The following NKAIN2 variants were observed in gnomAD, a reference collection of about 807,000 sequenced individuals.
NKAIN2 encodes sodium/potassium-transporting ATPase subunit beta-1-interacting protein 2.
In NKAIN2, 14 loss-of-function variants were observed where a neutral mutation model predicts 32.6. The observed-to-expected ratio is 0.43, with a 90% CI of 0.28 to 0.67. The LOEUF is 0.67. NKAIN2 is among the 30% of genes least tolerant of loss of function. The pLI is 0.17. For missense variants in NKAIN2, 198 were observed against 258.3 expected, an observed-to-expected ratio of 0.77 and a Z score of 1.60; for synonymous variants, 80 against 87.2, an observed-to-expected ratio of 0.92 and a Z score of 0.46.
At chr6:124,716,247 C>A (rs1193886571) in intron 4 of NKAIN2, among the ~76,000 whole-genome samples, 1 of 152,218 alleles carries the variant, frequency 6.6e-6, no homozygotes, top group Non-Finnish European at 1.5e-5. Flanking sequence ...ACTGCACCCA[C>A]CAACTTTGCA....
At chr6:124,298,612 C>T (rs1336200839) in intron 2 of NKAIN2, among the ~76,000 whole-genome samples, 1 of 152,002 alleles carries the variant, frequency 6.6e-6, no homozygotes, top group African/African-American at 2.4e-5. Flanking sequence ...GATGATAATG[C>T]CACACACATT....
At chr6:124,398,230 G>A (rs1773474580) in intron 3 of NKAIN2, among the ~76,000 whole-genome samples, 2 of 93,396 alleles carry the variant, frequency 2.1e-5, no homozygotes, top group African/African-American at 4.0e-5. Flanking sequence ...TCCAGCCTGG[G>A]TGACAGAGAG....
intron 1 of NKAIN2, among the ~76,000 whole-genome samples, chr6:124,201,657 G>T (rs1259365121): frequency 6.6e-6 from 1 of 151,960 alleles, no homozygotes; most frequent in Non-Finnish European, 1.5e-5. Flanking sequence ...CTCAAGGAGT[G>T]AGAAGGATAG....
At chr6:124,503,799 C>A (rs1778380453) in intron 3 of NKAIN2, among the ~76,000 whole-genome samples, 1 of 152,094 alleles carries the variant, frequency 6.6e-6, no homozygotes, top group African/African-American at 2.4e-5. Context: ...TAAAAGATTT[C>A]TGTGTGCTTT....
chr6:124,604,560 C>T (rs1347864191), intron 3 of NKAIN2, among the ~76,000 whole-genome samples: 2 of 151,494 alleles, frequency 1.3e-5, no homozygotes, highest in Non-Finnish European at 2.9e-5. Context: ...ATCTTTCTCT[C>T]TATGCTTGAT....
At position 124,203,110 on chromosome 6, in the gene NKAIN2, T is replaced by G. The variant is rs145918841; in HGVS notation, c.55-79895T>G. On this transcript the variant is annotated intron_variant, in intron 1 of 6. Coordinates refer to ENST00000368417, the MANE Select transcript of NKAIN2 (RefSeq NM_001040214.3). ...AAATTTGCTCAATCTGTCTGTTTTG[T>G]ACCTTAAGAGTCATTGAAATATTTT... Among the ~76,000 whole-genome samples the G allele has an allele frequency of 5.7e-3, 868 of 152,042 alleles. 8 individuals carry two copies. The highest frequency in any genetic ancestry group is 0.018 in the African/African-American group (732 of 41,530).
chr6:124,656,515 A>T (rs1204274559), intron 3 of NKAIN2, among the ~76,000 whole-genome samples: 1 of 152,106 alleles, frequency 6.6e-6, no homozygotes, highest in Admixed American at 6.5e-5. Context: ...CTAGGCTAAC[A>T]GAATTTGGTG....
intron 4 of NKAIN2, among the ~76,000 whole-genome samples, chr6:124,782,907 G>A (rs1306602049): frequency 6.6e-6 from 1 of 152,048 alleles, no homozygotes; most frequent in Non-Finnish European, 1.5e-5. Context: ...TGGTATTATT[G>A]ATAGTTGCTT....
At chr6:124,769,342 T>C (rs1778648255) in intron 4 of NKAIN2, among the ~76,000 whole-genome samples, 1 of 152,148 alleles carries the variant, frequency 6.6e-6, no homozygotes, top group Non-Finnish European at 1.5e-5. Flanking sequence ...AAGCAATGTT[T>C]TGAATGTTTA....
chr6:124,651,514 T>A (rs1195599904), intron 3 of NKAIN2, among the ~76,000 whole-genome samples: 1 of 152,186 alleles, frequency 6.6e-6, no homozygotes, highest in Non-Finnish European at 1.5e-5. Context: ...CCATAGCTCA[T>A]GAACTTGGCA....
chr6:124,803,502 A>G (rs917544426), intron 5 of NKAIN2, among the ~76,000 whole-genome samples: 1 of 152,094 alleles, frequency 6.6e-6, no homozygotes, highest in African/African-American at 2.4e-5. Context: ...TTCTGATAAT[A>G]TACAAGGCCA....
intron 1 of NKAIN2, among the ~76,000 whole-genome samples, chr6:123,871,696 T>C (rs1772895409): frequency 6.6e-6 from 1 of 152,216 alleles, no homozygotes; most frequent in Non-Finnish European, 1.5e-5. Flanking sequence ...ATGGAAGTGA[T>C]TTCTCCCTAG....
intron 1 of NKAIN2, among the ~76,000 whole-genome samples, chr6:124,075,101 T>C (rs1324020217): frequency 6.6e-6 from 1 of 152,214 alleles, no homozygotes; most frequent in African/African-American, 2.4e-5. Context: ...AATTGAGGCA[T>C]GTGTTAACTA....
intron 1 of NKAIN2, among the ~76,000 whole-genome samples, chr6:124,123,116 T>C (rs762096071): frequency 6.6e-6 from 1 of 152,170 alleles, no homozygotes; most frequent in South Asian, 2.1e-4. Context: ...CTAGTATAAA[T>C]GTAAGCTGTT....
At chr6:124,363,423 A>G (rs952440146) in intron 3 of NKAIN2, among the ~76,000 whole-genome samples, 1 of 152,068 alleles carries the variant, frequency 6.6e-6, no homozygotes, top group Non-Finnish European at 1.5e-5. Context: ...GTTGAATGCT[A>G]TTTTTTGACA....
intron 1 of NKAIN2, among the ~76,000 whole-genome samples, chr6:123,866,157 G>A (rs1429396945): frequency 6.6e-6 from 1 of 152,112 alleles, no homozygotes; most frequent in African/African-American, 2.4e-5. Flanking sequence ...TTCACTCAGT[G>A]CCGTTGGTTA....
chr6:124,003,210 G>A (rs979169583), intron 1 of NKAIN2, among the ~76,000 whole-genome samples: 1 of 152,188 alleles, frequency 6.6e-6, no homozygotes, highest in Non-Finnish European at 1.5e-5. Flanking sequence ...TGGGGATGGA[G>A]ATAAAAATCT....
At chr6:123,843,215 G>A (rs138806791) in intron 1 of NKAIN2, among the ~76,000 whole-genome samples, 3 of 152,254 alleles carry the variant, frequency 2.0e-5, no homozygotes, top group East Asian at 3.9e-4. Context: ...AGTGTGTCCC[G>A]AATTCTTGTC....
intron 1 of NKAIN2, among the ~76,000 whole-genome samples, chr6:124,159,777 A>C (rs1376106584): frequency 6.6e-6 from 1 of 152,152 alleles, no homozygotes; most frequent in Non-Finnish European, 1.5e-5. Context: ...CTACTTTTGC[A>C]TGCCAAATGC....
Sources: allele counts gnomAD v4.1 joint callset (sites outside exome capture counted in the v4.1 genomes callset), GRCh38; gene constraint gnomAD v4.1.1; transcripts MANE v1.5; gene names NCBI Gene and HGNC (gene_info 2026-07-23, HGNC 2026-07-21).